SLIT1: variants seen among roughly 807,000 people sequenced by gnomAD.
SLIT1 encodes the protein slit guidance ligand 1.
SLIT1 carries 66 observed loss-of-function variants against 186.1 expected under a neutral mutation model. The ratio of observed to expected loss-of-function variants is 0.35; its 90% CI spans 0.29 to 0.44. SLIT1 has a LOEUF of 0.44. Ranked by LOEUF, SLIT1 falls within the 20% of genes least tolerant of loss-of-function variation. The pLI, the probability that SLIT1 is intolerant of heterozygous loss-of-function variation, is 1.00. For missense variants in SLIT1, 1,638 were observed against 2,037.4 expected, an observed-to-expected ratio of 0.80 and a Z score of 3.77; for synonymous variants, 761 against 833.8, an observed-to-expected ratio of 0.91 and a Z score of 1.50.
intron 8 of SLIT1, among the ~76,000 whole-genome samples, chr10:97,061,615 T>C (rs1189240629): frequency 6.6e-6 from 1 of 152,278 alleles, no homozygotes; most frequent in African/African-American, 2.4e-5. Context: ...TGTTGCTGTG[T>C]GTATCAGTAG....
chr10:97,138,933 T>A (rs1288603643), intron 4 of SLIT1, among the ~76,000 whole-genome samples: 1 of 152,202 alleles, frequency 6.6e-6, no homozygotes, highest in East Asian at 1.9e-4. Flanking sequence ...TACATCACCC[T>A]CTTGAGAATC....
At chr10:97,047,230 G>A (rs774673379) in intron 16 of SLIT1, among the ~76,000 whole-genome samples, 165 bp from the exon 17 acceptor site, 1 of 152,246 alleles carries the variant, frequency 6.6e-6, no homozygotes, top group Non-Finnish European at 1.5e-5. Context: ...AGTACTGGGA[G>A]AGGATATGAA....
At chr10:97,154,798 G>A (rs1310844406) in intron 4 of SLIT1, 1 of 152,226 alleles carries the variant, frequency 6.6e-6, no homozygotes, top group African/African-American at 2.4e-5. Context: ...TTTGCTCCTT[G>A]ATTTAATCTT....
intron 11 of SLIT1, chr10:97,057,958 C>T (rs946477220): frequency 2.2e-5 from 16 of 717,242 alleles, no homozygotes; most frequent in East Asian, 1.6e-4. Context: ...CCCTCGTAAA[C>T]GTTCAAGCTG....
chr10:97,140,557 G>C (rs752937652), intron 4 of SLIT1, among the ~76,000 whole-genome samples: 1 of 152,112 alleles, frequency 6.6e-6, no homozygotes, highest in Non-Finnish European at 1.5e-5. Context: ...GTATTCAGTC[G>C]ATACCTTCCT....
At chr10:97,183,180 T>C (rs2817668) in intron 1 of SLIT1, among the ~76,000 whole-genome samples, 150,305 of 152,234 alleles carry the variant, frequency 0.99, 74,229 homozygotes, top group Middle Eastern at 1. Context: ...GTTCCCACAG[T>C]CCGTTCCCTG....
rs953013662 is a variant in SLIT1 at position 97,022,981 on chromosome 10, G to T, written c.2583-1568C>A. ...CAATATCCCAGAGTGGATATCCCAT[G>T]GCACAGTGGACAGCGTCCCTGTTGC... On this transcript the variant is annotated intron_variant, in intron 25 of 36. Transcript: ENST00000266058. This position sits in a 1 kb window ranked among gnomAD's most constrained non-coding sequence, Gnocchi z 4.2. 2.6e-5 allele frequency among the ~76,000 whole-genome samples: 4 copies of T among 152,152 alleles called. No homozygotes were observed. The highest frequency in any genetic ancestry group is 9.7e-5 in the African/African-American group (4 of 41,430).
At chr10:97,114,170 G>C (rs1190295341) in intron 4 of SLIT1, among the ~76,000 whole-genome samples, 1 of 152,172 alleles carries the variant, frequency 6.6e-6, no homozygotes, top group East Asian at 1.9e-4. Context: ...TACAAGCCAG[G>C]GGAGCAAAGG....
chr10:97,173,865 C>T (rs1850222904), intron 1 of SLIT1, among the ~76,000 whole-genome samples: 1 of 152,182 alleles, frequency 6.6e-6, no homozygotes, highest in Non-Finnish European at 1.5e-5. Flanking sequence ...TCCTGAAGGG[C>T]GAAGGCCTCT....
rs1356262392 is a variant in SLIT1 at position 97,047,078 on chromosome 10, A to G, written c.1635-13T>C. 5 of 1,555,458 alleles carry G rather than the reference A, an allele frequency of 3.2e-6. No homozygotes were observed. Among genetic ancestry groups the G allele is most frequent in the Non-Finnish European group, 4.4e-6 (5 of 1,126,818 alleles). On this transcript the variant is annotated splice_polypyrimidine_tract_variant and intron_variant, in intron 16 of 36. Transcript: ENST00000266058. ...GTTATTCAATCGCCTGTAAGAGACA[A>G]GAATGAACTTGCACATTCACAAATG... is the stretch of plus-strand genomic sequence containing the variant.
chr10:97,070,762 A>G (rs992155236), intron 4 of SLIT1, among the ~76,000 whole-genome samples: 2 of 152,046 alleles, frequency 1.3e-5, no homozygotes, highest in Admixed American at 1.3e-4. Context: ...TGGACTTCCC[A>G]CCTCTAGAAC....
chr10:97,059,509 C>A lies in SLIT1; in HGVS notation c.1036G>T (p.Ala346Ser), dbSNP rs186454507. ...RRIDLSNNQIAEIAPDAFQGL... is the reference protein window; with the variant it reads ...RRIDLSNNQISEIAPDAFQGL... ...TGGAAGGCGTCGGGTGCAATCTCAG[C>A]GATCTGATTGTTGCTCAGGTCTCTG... Residue 346 changes from alanine to serine, a missense_variant, in exon 11 of 37, where the codon GCT (alanine) becomes TCT (serine). By Grantham distance (99) the Ala-to-Ser change is moderately conservative (BLOSUM62 1). Transcript: ENST00000266058. 8.0e-5 allele frequency: 129 copies of A among 1,613,756 alleles called. No homozygotes were observed. Among genetic ancestry groups the A allele is most frequent in the Non-Finnish European group, 1.7e-5 (20 of 1,179,948 alleles).
intron 30 of SLIT1, 24 bp downstream of exon 30, chr10:97,013,717 G>A (rs1419491882): frequency 2.6e-6 from 4 of 1,527,548 alleles, no homozygotes; most frequent in Non-Finnish European, 3.6e-6. Flanking sequence ...CTCCTCCCTG[G>A]CCCTGGAAAG....
At chr10:97,072,980 C>G (rs986016436) in intron 4 of SLIT1, among the ~76,000 whole-genome samples, 6 of 152,206 alleles carry the variant, frequency 3.9e-5, no homozygotes, top group South Asian at 2.1e-4. Context: ...TGTCCCTGCC[C>G]GAAGCACAGC....
In SLIT1 at chr10:97,019,034, G is replaced by A. The variant is rs769436045; in HGVS notation, c.2820C>T (p.Cys940=). The change falls in exon 27 of 37, where the codon TGC becomes TGT. Residue 940 remains cysteine, a synonymous_variant. Transcript: ENST00000266058. ...TGTACACCTCAAGGGGGTCGTTGTG[G>A]CAGGTGCCCTGGTTCTGGCACGGAC... The part of the protein sequence containing the change: ...LSSPCQNQGT[C]HNDPLEVYRC... 9 of 1,613,824 alleles carry A rather than the reference G, an allele frequency of 5.6e-6. No individual in the cohort carries two copies. The African/African-American group carries it at 1.2e-4, about 22-fold the overall frequency.
chr10:97,038,284 C>T (rs1266271979), intron 21 of SLIT1, among the ~76,000 whole-genome samples: 1 of 152,184 alleles, frequency 6.6e-6, no homozygotes, highest in African/African-American at 2.4e-5. Context: ...GCTTCTCCTC[C>T]TCCCTCTGCA....
intron 4 of SLIT1, among the ~76,000 whole-genome samples, chr10:97,125,988 G>A (rs1849600809): frequency 6.6e-6 from 1 of 152,194 alleles, no homozygotes; most frequent in African/African-American, 2.4e-5. Flanking sequence ...AAGAAAGAGA[G>A]AGAGAATATC....
chr10:97,155,875 G>T (rs1849944242), intron 4 of SLIT1, among the ~76,000 whole-genome samples: 2 of 152,212 alleles, frequency 1.3e-5, no homozygotes, highest in Non-Finnish European at 2.9e-5. Context: ...AGCAGAGAAA[G>T]AACAGCAGAG....
rs796735405 is a variant in SLIT1, at chr10:97,166,557, A to AAGAGAGAGAGAG, written c.198-1679_198-1668dup. Among the ~76,000 whole-genome samples, 80 of 55,194 alleles carry AAGAGAGAGAGAG rather than the reference A, an allele frequency of 1.4e-3. 2 individuals are homozygous for AAGAGAGAGAGAG. The highest frequency in any genetic ancestry group is 2.5e-3 in the South Asian group (3 of 1,188). 36.2% of individuals were successfully genotyped at this position (55,194 alleles called of 152,430 possible). ...AAGGAAGGAAGGAAGGAAGGAAGGA[A>AAGAGAGAGAGAG]AGAGAGAGAGAGAGAAAGAAAGAAA... On this transcript the variant is annotated intron_variant, in intron 1 of 36. Coordinates refer to ENST00000266058, the MANE Select transcript of SLIT1 (RefSeq NM_003061.3).
Sources: allele counts gnomAD v4.1 joint callset (sites outside exome capture counted in the v4.1 genomes callset), GRCh38; gene constraint gnomAD v4.1.1; non-coding constraint Gnocchi (gnomAD v3.1); transcripts MANE v1.5; gene names NCBI Gene and HGNC (gene_info 2026-07-23, HGNC 2026-07-21).